GLE1: variants seen among roughly 807,000 people sequenced by gnomAD.
GLE1 encodes the protein GLE1 RNA export mediator, also known as mRNA export factor GLE1.
Under a neutral mutation model 97.3 loss-of-function variants are expected in GLE1, and 78 were observed. That is an observed-to-expected ratio of 0.80 (90% CI 0.67 to 0.97). The LOEUF (loss-of-function observed/expected upper bound fraction) is 0.97. Among genes scored for constraint, GLE1 ranks in the 50% least tolerant of loss-of-function variants. The pLI is 0.00. For missense variants in GLE1, 753 were observed against 857.5 expected (o/e 0.88, Z 1.52); for synonymous variants, 302 against 313.4 (o/e 0.96, Z 0.39).
chr9:128,517,630 C>T (rs1847025455), intron 3 of GLE1, among the ~76,000 whole-genome samples: 1 of 152,122 alleles, frequency 6.6e-6, no homozygotes, highest in Non-Finnish European at 1.5e-5. Context: ...AATTTTTCCC[C>T]TTGATTAGTT....
intron 9 of GLE1, among the ~76,000 whole-genome samples, chr9:128,530,140 C>A (rs994099701): frequency 6.6e-6 from 1 of 152,164 alleles, no homozygotes; most frequent in African/African-American, 2.4e-5. Flanking sequence ...TCTCTACTTA[C>A]AGGGCTTCAA....
At position 128,529,443 on chromosome 9, in the gene GLE1, T is replaced by C. The variant is rs376483172; in HGVS notation, c.1312+1918T>C. 2.0e-5 allele frequency among the ~76,000 whole-genome samples: 3 copies of C among 152,184 alleles called. No individual in the cohort carries two copies. The East Asian group carries it at 5.8e-4, about 29-fold the overall frequency. On this transcript the variant is annotated intron_variant, in intron 9 of 15. Coordinates refer to ENST00000309971, the MANE Select transcript of GLE1 (RefSeq NM_001003722.2). ...TCCTGTCAGACTGCCTCATCGTTTA[T>C]TGCCTTTCCTGTTTTCTGTGATTAC...
rs542587213 is a variant in GLE1, at chr9:128,509,734, G to A, written c.321+637G>A. 9.9e-5 allele frequency among the ~76,000 whole-genome samples: 15 copies of A among 151,916 alleles called. No homozygotes were observed. In the East Asian group the frequency reaches 2.5e-3, roughly 26 times the overall value. On this transcript the variant is annotated intron_variant, in intron 2 of 15. Transcript: ENST00000309971. ...AGTGCTTTGGAAGGCCAAGACAAGA[G>A]GATTGCTTGAGCCCAGGAGTTCAAG... is the stretch of plus-strand genomic sequence containing the variant.
intron 3 of GLE1, among the ~76,000 whole-genome samples, chr9:128,518,783 G>A (rs544040563): frequency 1.0e-4 from 15 of 150,224 alleles, no homozygotes; most frequent in East Asian, 3.9e-4. Flanking sequence ...GAGGAGAATC[G>A]CTTGAACCCA....
intron 12 of GLE1, among the ~76,000 whole-genome samples, chr9:128,537,198 A>G (rs1234337393): frequency 2.0e-5 from 3 of 151,994 alleles, no homozygotes. Flanking sequence ...CAGGCCTGAT[A>G]TCCCAGCACT....
chr9:128,537,059 A>T (rs771845425), intron 12 of GLE1: 1 of 157,108 alleles, frequency 6.4e-6, no homozygotes, highest in Non-Finnish European at 1.4e-5. Context: ...ATAAAATGTC[A>T]ATAAGGCTAA....
chr9:128,524,363 A>G, intron 6 of GLE1, among the ~76,000 whole-genome samples: 1 of 151,742 alleles, frequency 6.6e-6, no homozygotes, highest in Non-Finnish European at 1.5e-5. Flanking sequence ...TACAGGTGTG[A>G]GCCACGGTGC....
intron 3 of GLE1, among the ~76,000 whole-genome samples, chr9:128,521,282 C>T (rs1847144393): frequency 1.3e-5 from 2 of 152,042 alleles, no homozygotes; most frequent in African/African-American, 4.8e-5. Flanking sequence ...GCCTATAATC[C>T]CAGCAGTTTG....
intron 3 of GLE1, among the ~76,000 whole-genome samples, chr9:128,521,128 C>T (rs557615669): frequency 2.0e-5 from 3 of 152,126 alleles, no homozygotes; most frequent in Non-Finnish European, 4.4e-5. Flanking sequence ...ATCTCTCATG[C>T]TCTATGTGGT....
chr9:128,524,221 G>T (rs1847238866), intron 6 of GLE1, among the ~76,000 whole-genome samples: 1 of 151,622 alleles, frequency 6.6e-6, no homozygotes, highest in South Asian at 2.1e-4. Flanking sequence ...TGGGACTACA[G>T]GCGCATACCA....
At chr9:128,514,215 A>G (rs914765093) in intron 2 of GLE1, among the ~76,000 whole-genome samples, 2 of 147,052 alleles carry the variant, frequency 1.4e-5, no homozygotes, top group Non-Finnish European at 3.0e-5. Flanking sequence ...GGCGTGCGCC[A>G]GTGGTCCCAG....
intron 9 of GLE1, chr9:128,528,951 C>A (rs1847395270): frequency 1.3e-5 from 2 of 152,264 alleles, no homozygotes; most frequent in African/African-American, 4.8e-5. Flanking sequence ...GCAACTGGAA[C>A]ACTCCTCTGA....
At chr9:128,520,338 GTA>G (rs1350935764) in intron 3 of GLE1, among the ~76,000 whole-genome samples, 1 of 147,786 alleles carries the variant, frequency 6.8e-6, no homozygotes, top group African/African-American at 2.5e-5. Flanking sequence ...GTGTATATGT[GTA>G]TATGTGTATA....
rs1252205012 is a variant in GLE1, at chr9:128,541,492, A to G, written c.*322A>G. The G allele has an allele frequency of 2.7e-6, 1 of 371,400 alleles. No homozygotes were observed. The highest frequency in any genetic ancestry group is 5.1e-6 in the Non-Finnish European group (1 of 197,892). 23.0% of individuals were successfully genotyped at this position (371,400 alleles called of 1,614,324 possible). A position where few individuals can be genotyped will look rare whatever the true frequency, so the allele number is the denominator to read the frequency against. On this transcript the variant is annotated 3_prime_UTR_variant, in exon 16 of 16. Coordinates refer to ENST00000309971, the MANE Select transcript of GLE1 (RefSeq NM_001003722.2). ...TCTAGTGTCTTTCAGAAAGTTGGCA[A>G]TACCTTAACAAATGCACTCTGAGCT...
rs1325107565 is a variant in GLE1, at chr9:128,523,764, T to C, written c.815T>C (p.Leu272Pro). The C allele has an allele frequency of 6.2e-7, 1 of 1,614,052 alleles. No individual in the cohort carries two copies. Among genetic ancestry groups the C allele is most frequent in the Non-Finnish European group, 8.5e-7 (1 of 1,179,998 alleles). The change falls in exon 6 of 16, where the codon CTT (leucine) becomes CCT (proline). Residue 272 changes from leucine (L) to proline (P), a missense_variant. Leu to Pro is a moderately conservative substitution (Grantham distance 98). Coordinates refer to ENST00000309971, the MANE Select transcript of GLE1 (RefSeq NM_001003722.2). ...LDASEQHKAL[L>P]KVDLAAFQTR... ...GCCTCTGAGCAGCACAAAGCCCTGC[T>C]TAAGGTCGACCTGGCTGCCTTCCAG...
rs142767855 is a variant in GLE1, at chr9:128,529,290, A to G, written c.1312+1765A>G. 4.6e-3 allele frequency among the ~76,000 whole-genome samples: 698 copies of G among 152,200 alleles called. 5 individuals carry two copies. The highest frequency in any genetic ancestry group is 0.022 in the South Asian group (105 of 4,820). On this transcript the variant is annotated intron_variant, in intron 9 of 15. Coordinates refer to ENST00000309971, the MANE Select transcript of GLE1 (RefSeq NM_001003722.2). ...CAGGAAAATGGAGACATCCAGTGTG[A>G]GCTCCTCAGAGCCCCTCCACCACTG...
intron 9 of GLE1, chr9:128,528,907 A>T (rs1052244330): frequency 3.3e-5 from 5 of 152,212 alleles, no homozygotes; most frequent in Non-Finnish European, 5.9e-5. Context: ...TCCAGATTAT[A>T]GACTGAGCTG....
In GLE1 at chr9:128,511,763, C is replaced by T. The variant is rs1213634968; in HGVS notation, c.321+2666C>T. Among the ~76,000 whole-genome samples the T allele has an allele frequency of 2.6e-5, 4 of 151,894 alleles. No individual in the cohort carries two copies. In the East Asian group the frequency reaches 7.7e-4, roughly 29 times the overall value. ...TTAAACATAAAAAAAAAACTGTAAGCCTTTTAGAACTAAAACATAACCAGA... is the reference window on the plus strand; with the variant it reads ...TTAAACATAAAAAAAAAACTGTAAGTCTTTTAGAACTAAAACATAACCAGA... On this transcript the variant is annotated intron_variant, in intron 2 of 15. Transcript: ENST00000309971.
chr9:128,537,453 C>CAAAAAAAA (rs57584433), intron 12 of GLE1, among the ~76,000 whole-genome samples: 10 of 43,958 alleles, frequency 2.3e-4, no homozygotes, highest in African/African-American at 8.9e-4. Context: ...AACTCTCCCT[C>CAAAAAAAA]AAAAAAAAAA....
Sources: gnomAD v4.1 joint callset for allele counts (sites outside exome capture counted in the v4.1 genomes callset) on GRCh38, gnomAD v4.1.1 for gene constraint, MANE v1.5 for transcripts, NCBI Gene and HGNC (gene_info 2026-07-23, HGNC 2026-07-21) for gene names.